The following ITGA8 variants were observed in gnomAD, a reference collection of about 807,000 sequenced individuals.
ITGA8 encodes the protein integrin alpha-8.
Under a neutral mutation model 142.3 loss-of-function variants are expected in ITGA8, and 91 were observed. The ratio of observed to expected loss-of-function variants is 0.64; its 90% CI spans 0.54 to 0.76. ITGA8 has a LOEUF of 0.76. ITGA8 is among the 30% of genes least tolerant of loss of function. ITGA8 has a pLI of 0.00. For synonymous variants in ITGA8, 505 were observed against 485.2 expected (o/e 1.04, Z -0.54); for missense variants, 1,406 against 1,327.7 (o/e 1.06, Z -0.92).
At chr10:15,559,356 T>C (rs1833936507) in intron 25 of ITGA8, among the ~76,000 whole-genome samples, 1 of 152,198 alleles carries the variant, frequency 6.6e-6, no homozygotes, top group Non-Finnish European at 1.5e-5. Flanking sequence ...CTGGGGCCCA[T>C]CTGTGCCTAT....
At chr10:15,557,216 A>G (rs988249925) in intron 26 of ITGA8, among the ~76,000 whole-genome samples, 1 of 152,106 alleles carries the variant, frequency 6.6e-6, no homozygotes, top group African/African-American at 2.4e-5. Context: ...CCTTACCTCT[A>G]CAAAAATGCA....
chr10:15,646,809 G>C (rs1305610570), intron 12 of ITGA8, 37 bp downstream of exon 12: 1 of 1,515,874 alleles, frequency 6.6e-7, no homozygotes, highest in South Asian at 1.1e-5. Flanking sequence ...CAGTGGTGAC[G>C]ACACATAAAT....
chr10:15,683,550 A>C (rs950918880), intron 4 of ITGA8, among the ~76,000 whole-genome samples: 1 of 152,254 alleles, frequency 6.6e-6, no homozygotes, highest in Non-Finnish European at 1.5e-5. Flanking sequence ...CATGCAGACA[A>C]TCTGCATACA....
chr10:15,622,015 A>G (rs1349003968), intron 13 of ITGA8, among the ~76,000 whole-genome samples: 9 of 152,194 alleles, frequency 5.9e-5, no homozygotes, highest in African/African-American at 2.2e-4. Context: ...GAAATTAGCC[A>G]GGCATGATGG....
chr10:15,605,811 G>T lies in ITGA8; in HGVS notation c.1903-20C>A, dbSNP rs199499571. 6.2e-7 allele frequency: 1 copy of T among 1,608,632 alleles called. No individual in the cohort carries two copies. Among genetic ancestry groups the T allele is most frequent in the African/African-American group, 1.3e-5 (1 of 74,886 alleles). Reference sequence around the variant, plus strand: ...GTGAGCCTGTGTTGTATAAACGCACGTCAGGAACAATCTAGGAAAATCTGA... The same window carrying T: ...GTGAGCCTGTGTTGTATAAACGCACTTCAGGAACAATCTAGGAAAATCTGA... On this transcript the variant is annotated intron_variant, in intron 18 of 29. Coordinates refer to ENST00000378076, the MANE Select transcript of ITGA8 (RefSeq NM_003638.3).
intron 22 of ITGA8, among the ~76,000 whole-genome samples, chr10:15,589,153 C>T (rs1180900378): frequency 6.6e-6 from 1 of 152,230 alleles, no homozygotes; most frequent in Non-Finnish European, 1.5e-5. Flanking sequence ...CTCTCTACAA[C>T]TGCACCCTAT....
intron 13 of ITGA8, among the ~76,000 whole-genome samples, chr10:15,628,551 C>G (rs1833629470): frequency 6.6e-6 from 1 of 151,698 alleles, no homozygotes; most frequent in Admixed American, 6.6e-5. Flanking sequence ...CCAGGATGGT[C>G]TTGATCTCCT....
chr10:15,644,954 G>T (rs574526753), intron 12 of ITGA8, among the ~76,000 whole-genome samples: 1 of 151,320 alleles, frequency 6.6e-6, no homozygotes, highest in African/African-American at 2.4e-5. Context: ...TTAGCCTGGC[G>T]TAGTGGCGGG....
At chr10:15,713,760 AAGGC>A (rs1835402453) in intron 2 of ITGA8, among the ~76,000 whole-genome samples, 1 of 152,086 alleles carries the variant, frequency 6.6e-6, no homozygotes, top group East Asian at 1.9e-4. Context: ...CCCCAAAACA[AAGGC>A]TTCCGGTCTC....
chr10:15,546,653 G>C (rs73598793), intron 27 of ITGA8, among the ~76,000 whole-genome samples: 8,353 of 151,576 alleles, frequency 0.055, 745 homozygotes, highest in African/African-American at 0.19. Flanking sequence ...ATAGTGCAGA[G>C]ATTGAGAAAC....
intron 2 of ITGA8, among the ~76,000 whole-genome samples, chr10:15,697,226 A>G (rs1319083452): frequency 1.3e-5 from 2 of 152,214 alleles, no homozygotes; most frequent in African/African-American, 4.8e-5. Flanking sequence ...ATACAGAAAA[A>G]TGTTTACACA....
intron 4 of ITGA8, among the ~76,000 whole-genome samples, chr10:15,683,337 C>A (rs1260949231): frequency 3.0e-5 from 4 of 133,008 alleles, no homozygotes; most frequent in African/African-American, 1.1e-4. Context: ...ACCCATCCAT[C>A]CATCCATTAT....
In ITGA8 at chr10:15,597,212, T is replaced by C; in HGVS notation, c.2206A>G (p.Thr736Ala). The change falls in exon 21 of 30, where the codon ACA becomes GCA. Residue 736 changes from threonine (T) to alanine (A), a missense_variant. By Grantham distance (58) the Thr-to-Ala change is moderately conservative. Transcript: ENST00000378076. Reference sequence around the variant, plus strand: ...TATTTCTGGTTCTCTCTTACATTTGTTCCAGACACCATAGGGTTCCCAAGG... The same window carrying C: ...TATTTCTGGTTCTCTCTTACATTTGCTCCAGACACCATAGGGTTCCCAAGG... ...CDLGNPMVSG[T>A]NYSLGLRFAV... The C allele has an allele frequency of 1.2e-6, 2 of 1,611,860 alleles. No homozygotes were observed. The highest frequency in any genetic ancestry group is 1.7e-6 in the Non-Finnish European group (2 of 1,177,924).
intron 15 of ITGA8, among the ~76,000 whole-genome samples, chr10:15,611,354 G>T (rs1345941517): frequency 1.3e-5 from 2 of 152,148 alleles, no homozygotes; most frequent in East Asian, 1.9e-4. Context: ...TAATTGTAAA[G>T]GGATATACAT....
At chr10:15,537,692 C>T (rs1833475503) in intron 27 of ITGA8, among the ~76,000 whole-genome samples, 1 of 152,186 alleles carries the variant, frequency 6.6e-6, no homozygotes, top group South Asian at 2.1e-4. Flanking sequence ...AGTCCTGCCT[C>T]ATTGAAAAGT....
chr10:15,713,369 T>A lies in ITGA8; in HGVS notation c.343+5397A>T, dbSNP rs563741154. Among the ~76,000 whole-genome samples, 3 of 152,310 alleles carry A rather than the reference T, an allele frequency of 2.0e-5. No homozygotes were observed. The South Asian group carries it at 6.2e-4, about 32-fold the overall frequency. ...CTTCTTTTTTTCTGAGTAGCAAAAC[T>A]TACTCTCATTGTTAAGTCTTGAAAA... On this transcript the variant is annotated intron_variant, in intron 2 of 29. Coordinates refer to ENST00000378076, the MANE Select transcript of ITGA8 (RefSeq NM_003638.3).
chr10:15,532,201 C>A (rs1390847286), intron 27 of ITGA8, among the ~76,000 whole-genome samples: 1 of 151,800 alleles, frequency 6.6e-6, no homozygotes, highest in Non-Finnish European at 1.5e-5. Context: ...GGGCAGATCA[C>A]CAGGTTAGGA....
In ITGA8 at chr10:15,635,252, G is replaced by A. The variant is rs950098125; in HGVS notation, c.1399+8778C>T. Among the ~76,000 whole-genome samples the A allele has an allele frequency of 9.9e-5, 15 of 151,908 alleles. No homozygotes were observed. In the East Asian group the frequency reaches 1.6e-3, roughly 16 times the overall value. On this transcript the variant is annotated intron_variant, in intron 13 of 29. Coordinates refer to ENST00000378076, the MANE Select transcript of ITGA8 (RefSeq NM_003638.3). ...GATCTCTTGACTTCATGATCTGCCC[G>A]CCTCAACCTCCAAAAGTGCTGGGAT...
At chr10:15,643,920 G>A (rs1215973024) in intron 13 of ITGA8, 110 bp downstream of exon 13, 5 of 914,816 alleles carry the variant, frequency 5.5e-6, no homozygotes, top group South Asian at 3.8e-5. Context: ...GCATGCTTAA[G>A]CTTCAGCCTC....
Sources: allele counts gnomAD v4.1 joint callset (sites outside exome capture counted in the v4.1 genomes callset), GRCh38; gene constraint gnomAD v4.1.1; transcripts MANE v1.5; gene names NCBI Gene and HGNC (gene_info 2026-07-23, HGNC 2026-07-21).